CDKL1: variants seen among roughly 807,000 people sequenced by gnomAD.
The protein encoded by CDKL1 is cyclin-dependent kinase-like 1.
A neutral mutation model predicts 42.0 loss-of-function variants in CDKL1; 41 were observed. The observed-to-expected ratio is 0.98, with a 90% CI of 0.76 to 1.27. The LOEUF is 1.27. CDKL1 is among the 50% of genes most tolerant of loss of function. The pLI is 0.00. For missense variants in CDKL1, 394 were observed against 428.4 expected, an observed-to-expected ratio of 0.92 and a Z score of 0.71; for synonymous variants, 153 against 158.6, an observed-to-expected ratio of 0.96 and a Z score of 0.26.
intron 6 of CDKL1, among the ~76,000 whole-genome samples, chr14:50,340,703 T>C (rs2033483854): frequency 6.6e-6 from 1 of 152,200 alleles, no homozygotes; most frequent in African/African-American, 2.4e-5. Flanking sequence ...AGGTAAACCA[T>C]GAAAGCATTC....
At position 50,329,225 on chromosome 14, in the gene CDKL1, C is replaced by T. The variant is rs1049227253; in HGVS notation, c.*849G>A. 1 of 152,060 alleles carries T rather than the reference C, an allele frequency of 6.6e-6. No homozygotes were observed. Among genetic ancestry groups the T allele is most frequent in the African/African-American group, 2.4e-5 (1 of 41,406 alleles). 9.4% of individuals were successfully genotyped at this position (152,060 alleles called of 1,614,324 possible). ...AGGTTTGCCTATAGATGTACCAGGT[C>T]AAAGGCTGTGCCAGAGAGAATGAAA... On this transcript the variant is annotated 3_prime_UTR_variant, in exon 10 of 10. Transcript: ENST00000395834.
chr14:50,362,703 G>C (rs529154602), intron 2 of CDKL1, among the ~76,000 whole-genome samples: 15 of 152,198 alleles, frequency 9.9e-5, no homozygotes, highest in Middle Eastern at 3.4e-3. Flanking sequence ...TAGTGGGGAC[G>C]TGGAGAACTT....
intron 2 of CDKL1, among the ~76,000 whole-genome samples, chr14:50,382,425 T>C (rs2034939307): frequency 2.0e-5 from 3 of 152,098 alleles, no homozygotes; most frequent in Admixed American, 2.0e-4. Context: ...CACTCCAGCC[T>C]GGGCGACAGA....
chr14:50,342,292 C>G (rs756814461), intron 4 of CDKL1, 70 bp from the exon 5 acceptor site: 121 of 1,519,452 alleles, frequency 8.0e-5, no homozygotes, highest in Non-Finnish European at 9.7e-5. Flanking sequence ...AAACACATGA[C>G]TATTTAGCAA....
chr14:50,390,257 T>C lies in CDKL1; in HGVS notation c.168+5444A>G, dbSNP rs775389650. On this transcript the variant is annotated intron_variant, in intron 2 of 9. Transcript: ENST00000395834. Reference sequence around the variant, plus strand: ...CCTTGACCAATGCTGGTCTAATATATTTTAACGCCCCCATACCACCTGCCA... The same window carrying C: ...CCTTGACCAATGCTGGTCTAATATACTTTAACGCCCCCATACCACCTGCCA... 72 of 1,366,264 alleles carry C rather than the reference T, an allele frequency of 5.3e-5. 1 individual carries two copies. In the South Asian group the frequency reaches 6.4e-4, roughly 12 times the overall value. 84.6% of individuals were successfully genotyped at this position (1,366,264 alleles called of 1,614,324 possible).
At chr14:50,371,647 C>T (rs2034593195) in intron 2 of CDKL1, among the ~76,000 whole-genome samples, 1 of 152,224 alleles carries the variant, frequency 6.6e-6, no homozygotes, top group Non-Finnish European at 1.5e-5. Flanking sequence ...GGGGGAGGCG[C>T]AGCCATGGCT....
chr14:50,344,928 G>C (rs562425224), intron 4 of CDKL1, 58 bp downstream of exon 4: 1 of 1,368,310 alleles, frequency 7.3e-7, no homozygotes, highest in Non-Finnish European at 1.0e-6. Context: ...TTTGTACAAG[G>C]CTCCACCTCA....
intron 2 of CDKL1, chr14:50,363,156 A>G (rs1022723417): frequency 1.7e-5 from 4 of 234,448 alleles, no homozygotes; most frequent in African/African-American, 9.0e-5. Context: ...GAAGAAACTC[A>G]ACACATCCGA....
At chr14:50,381,468 T>G (rs57453092) in intron 2 of CDKL1, among the ~76,000 whole-genome samples, 2,624 of 152,326 alleles carry the variant, frequency 0.017, 70 homozygotes, top group African/African-American at 0.059. Flanking sequence ...TCAGCTTACA[T>G]GTATGAGGAA....
chr14:50,331,717 A>G (rs2032952311), intron 9 of CDKL1: 2 of 332,552 alleles, frequency 6.0e-6, no homozygotes, highest in East Asian at 1.1e-4. Flanking sequence ...AGGCCATTTT[A>G]TACCAATCAG....
intron 7 of CDKL1, chr14:50,335,321 G>T: frequency 4.0e-6 from 1 of 252,052 alleles, no homozygotes; most frequent in Non-Finnish European, 7.0e-6. Context: ...AAAAAAAAAA[G>T]GCAGCTCTAA....
chr14:50,335,979 C>T (rs1217074843), intron 7 of CDKL1: 10 of 1,366,428 alleles, frequency 7.3e-6, no homozygotes, highest in Non-Finnish European at 4.9e-6. Flanking sequence ...CCTGTTGCAC[C>T]CTCATACTTC....
chr14:50,342,471 C>T, intron 4 of CDKL1: 1 of 1,249,942 alleles, frequency 8.0e-7, no homozygotes. Context: ...GGTAGCCGGT[C>T]TTAGCAGAGA....
At chr14:50,352,417 T>A (rs2033930859) in intron 3 of CDKL1, among the ~76,000 whole-genome samples, 1 of 152,082 alleles carries the variant, frequency 6.6e-6, no homozygotes, top group Non-Finnish European at 1.5e-5. Flanking sequence ...AAGTACCAAT[T>A]TGAGAACTTC....
intron 3 of CDKL1, among the ~76,000 whole-genome samples, chr14:50,351,367 G>GA (rs908936682): frequency 1.1e-4 from 17 of 149,998 alleles, no homozygotes; most frequent in Non-Finnish European, 1.9e-4. Context: ...ACATTACCAA[G>GA]AAAAAAAAAT....
chr14:50,361,853 G>A (rs553263953), intron 2 of CDKL1, among the ~76,000 whole-genome samples: 30 of 152,232 alleles, frequency 2.0e-4, no homozygotes, highest in Non-Finnish European at 4.0e-4. Flanking sequence ...CCACTTTGGC[G>A]GCACTTGAGG....
rs528219591 is a variant in CDKL1, at chr14:50,341,463, G to A, written c.455-231C>T. Among the ~76,000 whole-genome samples the A allele has an allele frequency of 4.3e-5, 6 of 138,540 alleles. 1 individual carries two copies. The highest frequency in any genetic ancestry group is 1.6e-4 in the African/African-American group (5 of 31,170). The allele number at this position is 138,540 out of a possible 152,430, so 90.9% of individuals were successfully genotyped here. A position where few individuals can be genotyped will look rare whatever the true frequency, so the allele number is the denominator to read the frequency against. On this transcript the variant is annotated intron_variant, in intron 5 of 9. Transcript: ENST00000395834. Reference sequence around the variant, plus strand: ...GAATCCCTGGGGAGGGTCTGGGGGGGGGGGGGGGGTTATTTGGCTTAGAAT... The same window carrying A: ...GAATCCCTGGGGAGGGTCTGGGGGGAGGGGGGGGGTTATTTGGCTTAGAAT...
Position 50,330,203 on chromosome 14 carries a change from T to C in CDKL1, c.967-22A>G, listed in dbSNP as rs565583840. ...GCAACTAAAAATGCAAAACACAGAA[T>C]TAGGTTCAAAACTGTGCCATGCATT... On this transcript the variant is annotated intron_variant, in intron 9 of 9. Transcript: ENST00000395834. 5.3e-5 allele frequency: 84 copies of C among 1,595,402 alleles called. No individual in the cohort carries two copies. The South Asian group carries it at 8.3e-4, about 16-fold the overall frequency.
intron 2 of CDKL1, among the ~76,000 whole-genome samples, chr14:50,384,407 CA>C: frequency 6.6e-6 from 1 of 152,104 alleles, no homozygotes. Context: ...TAAAAGGAAC[CA>C]GGGGTCTCTG....
Sources: allele counts gnomAD v4.1 joint callset (sites outside exome capture counted in the v4.1 genomes callset), GRCh38; gene constraint gnomAD v4.1.1; transcripts MANE v1.5; gene names NCBI Gene and HGNC (gene_info 2026-07-23, HGNC 2026-07-21).